Variants in CMSS1 observed in about 807,000 individuals in gnomAD.
The protein encoded by CMSS1 is cms1 ribosomal small subunit homolog.
Under a neutral mutation model 43.5 loss-of-function variants are expected in CMSS1, and 33 were observed. The ratio of observed to expected loss-of-function variants is 0.76; its 90% CI spans 0.57 to 1.01. The LOEUF (loss-of-function observed/expected upper bound fraction) is 1.01. Among genes scored for constraint, CMSS1 ranks in the 50% least tolerant of loss-of-function variants. The pLI is 0.00. For synonymous variants in CMSS1, 115 were observed against 117.2 expected (o/e 0.98, Z 0.12); for missense variants, 313 against 326.4 (o/e 0.96, Z 0.32).
At chr3:99,864,122 A>C (rs1011065666) in intron 1 of CMSS1, among the ~76,000 whole-genome samples, 2 of 152,236 alleles carry the variant, frequency 1.3e-5, no homozygotes, top group Non-Finnish European at 2.9e-5. Flanking sequence ...GAAATTATTA[A>C]GATAGATTGT....
intron 1 of CMSS1, among the ~76,000 whole-genome samples, chr3:99,858,401 G>A (rs1164062032): frequency 6.6e-6 from 1 of 152,022 alleles, no homozygotes; most frequent in Non-Finnish European, 1.5e-5. Context: ...TGAGGCAGAG[G>A]TTGCAATGAG....
chr3:99,969,210 AG>A (rs1222591971), intron 1 of CMSS1, among the ~76,000 whole-genome samples: 1 of 152,146 alleles, frequency 6.6e-6, no homozygotes, highest in East Asian at 1.9e-4. Context: ...ATATCTAAGA[AG>A]GGGAGGGGAA....
chr3:99,944,357 T>C (rs1423303842), intron 1 of CMSS1, among the ~76,000 whole-genome samples: 1 of 152,204 alleles, frequency 6.6e-6, no homozygotes, highest in Non-Finnish European at 1.5e-5. Flanking sequence ...CCAAGCTGGC[T>C]ACAGCTGTTC....
chr3:99,871,078 A>G (rs1018493056), intron 1 of CMSS1, among the ~76,000 whole-genome samples: 1 of 152,196 alleles, frequency 6.6e-6, no homozygotes, highest in African/African-American at 2.4e-5. Context: ...CATCTGACTT[A>G]GTCTGCCTAT....
At chr3:100,102,133 C>G (rs186008345) in intron 1 of CMSS1, among the ~76,000 whole-genome samples, 1 of 152,140 alleles carries the variant, frequency 6.6e-6, no homozygotes, top group Non-Finnish European at 1.5e-5. Context: ...TGGGTATATA[C>G]CCAGTAATGG....
chr3:99,913,593 TA>T (rs1204896971), intron 1 of CMSS1, among the ~76,000 whole-genome samples: 2 of 152,080 alleles, frequency 1.3e-5, no homozygotes, highest in Admixed American at 6.5e-5. Flanking sequence ...TGCAACCACT[TA>T]AAAAAAGAAT....
At chr3:99,879,028 C>T (rs1705632335) in intron 1 of CMSS1, among the ~76,000 whole-genome samples, 1 of 152,152 alleles carries the variant, frequency 6.6e-6, no homozygotes, top group Non-Finnish European at 1.5e-5. Context: ...TACTTCCTAA[C>T]CTTGTTCTGT....
intron 1 of CMSS1, among the ~76,000 whole-genome samples, chr3:100,037,939 C>G (rs372773455): frequency 2.0e-4 from 24 of 118,170 alleles, no homozygotes; most frequent in African/African-American, 7.4e-4. Flanking sequence ...AATCGCTTTT[C>G]TTTTTTTTTT....
chr3:99,929,515 T>A (rs1252708055), intron 1 of CMSS1, among the ~76,000 whole-genome samples: 1 of 137,870 alleles, frequency 7.3e-6, no homozygotes, highest in East Asian at 2.2e-4. Context: ...GTTCCCAGAG[T>A]GTGTGTGTGT....
intron 1 of CMSS1, among the ~76,000 whole-genome samples, chr3:99,861,815 A>T (rs1355197732): frequency 6.6e-6 from 1 of 151,762 alleles, no homozygotes; most frequent in Non-Finnish European, 1.5e-5. Context: ...AGAAATTCAG[A>T]CTCTGGAGTT....
chr3:99,938,792 T>C (rs947616504), intron 1 of CMSS1, among the ~76,000 whole-genome samples: 1 of 152,010 alleles, frequency 6.6e-6, no homozygotes, highest in Non-Finnish European at 1.5e-5. Context: ...CATGGCCAGA[T>C]TAGGGGAAAA....
intron 1 of CMSS1, among the ~76,000 whole-genome samples, chr3:99,844,471 G>A (rs1010316597): frequency 2.6e-5 from 4 of 152,290 alleles, no homozygotes; most frequent in Middle Eastern, 3.4e-3. Context: ...AAAAGCTAGA[G>A]TGTTGGTTAA....
chr3:99,890,234 CATCT>C (rs1484223846), intron 1 of CMSS1, among the ~76,000 whole-genome samples: 6 of 152,158 alleles, frequency 3.9e-5, no homozygotes, highest in Admixed American at 1.3e-4. Flanking sequence ...GTTGAAAAAT[CATCT>C]ATCTAATTGT....
chr3:100,129,612 C>T (rs942506850), intron 1 of CMSS1, among the ~76,000 whole-genome samples: 15 of 152,078 alleles, frequency 9.9e-5, no homozygotes, highest in African/African-American at 3.6e-4. Flanking sequence ...TTTAAACATG[C>T]TTTTTTGTCT....
rs1942351557 is a variant in CMSS1 at position 99,817,876 on chromosome 3, G to C, written c.-104G>C. 2 of 1,190,476 alleles carry C rather than the reference G, an allele frequency of 1.7e-6. No individual in the cohort carries two copies. Among genetic ancestry groups the C allele is most frequent in the African/African-American group, 1.5e-5 (1 of 66,572 alleles). The allele number at this position is 1,190,476 out of a possible 1,614,324, so 73.7% of individuals were successfully genotyped here. On this transcript the variant is annotated 5_prime_UTR_variant, in exon 1 of 10. Transcript: ENST00000421999. ...GCGGAGGCGACAGTGTCTAGCGGGA[G>C]CTCCGCGTGTAGCTACGCCGGCCGC...
intron 1 of CMSS1, among the ~76,000 whole-genome samples, chr3:99,908,930 A>G (rs1034848350): frequency 1.3e-5 from 2 of 152,040 alleles, no homozygotes; most frequent in Non-Finnish European, 2.9e-5. Context: ...TCAGGGATTT[A>G]GTTAAAATTC....
rs114870550 is a variant in CMSS1 at position 99,833,692 on chromosome 3, G to A, written c.64+15649G>A. Among the ~76,000 whole-genome samples the A allele has an allele frequency of 4.5e-3, 688 of 152,274 alleles. 7 individuals carry two copies. Among genetic ancestry groups the A allele is most frequent in the African/African-American group, 0.016 (668 of 41,544 alleles). Reference sequence around the variant, plus strand: ...AAGAAAGCAGTGTTTTCTCAGGAGCGGTCCTGACTCCAGGGACTGCATCAC... The same window carrying A: ...AAGAAAGCAGTGTTTTCTCAGGAGCAGTCCTGACTCCAGGGACTGCATCAC... On this transcript the variant is annotated intron_variant, in intron 1 of 9. Transcript: ENST00000421999.
At position 100,178,374 on chromosome 3, in the gene CMSS1, C is replaced by G. The variant is rs373998301; in HGVS notation, c.826C>G (p.Leu276Val). 2 of 1,611,114 alleles carry G rather than the reference C, an allele frequency of 1.2e-6. No homozygotes were observed. The highest frequency in any genetic ancestry group is 2.2e-5 in the South Asian group (2 of 90,954). Residue 276 changes from leucine (L) to valine (V), a missense_variant, in exon 10 of 10, where the codon CTG becomes GTG. Coordinates refer to ENST00000421999, the MANE Select transcript of CMSS1 (RefSeq NM_032359.4). ...LSLCKSESLK[L>V]GLF ...TCTGTGCAAGTCAGAATCCTTGAAACTGGGCCTTTTCTAAGTCTGTGTCCT... is the reference window on the plus strand; with the variant it reads ...TCTGTGCAAGTCAGAATCCTTGAAAGTGGGCCTTTTCTAAGTCTGTGTCCT...
intron 1 of CMSS1, among the ~76,000 whole-genome samples, chr3:99,908,549 G>C (rs1229094437): frequency 6.6e-6 from 1 of 152,174 alleles, no homozygotes; most frequent in African/African-American, 2.4e-5. Flanking sequence ...GAAGTGTTAA[G>C]AGCTCAGATA....
Sources: gnomAD v4.1 joint callset for allele counts (sites outside exome capture counted in the v4.1 genomes callset) on GRCh38, gnomAD v4.1.1 for gene constraint, MANE v1.5 for transcripts, NCBI Gene and HGNC (gene_info 2026-07-23, HGNC 2026-07-21) for gene names.